Variants in CPED1 observed in about 807,000 individuals in gnomAD.
CPED1 encodes cadherin-like and PC-esterase domain-containing protein 1.
Under a neutral mutation model 128.2 loss-of-function variants are expected in CPED1, and 114 were observed. The observed-to-expected ratio is 0.89, with a 90% CI of 0.76 to 1.04. The LOEUF (loss-of-function observed/expected upper bound fraction) is 1.04. CPED1 is among the 50% of genes least tolerant of loss of function. The probability of loss-of-function intolerance (pLI) is 0.00; values close to 1 mark genes in which losing one functional copy is unlikely to be tolerated. For missense variants in CPED1, 1,211 were observed against 1,207.1 expected (o/e 1.00, Z -0.05); for synonymous variants, 462 against 426.7 (o/e 1.08, Z -1.02).
Position 121,148,661 on chromosome 7 carries a change from A to G in CPED1, c.2055+6520A>G, listed in dbSNP as rs558378667. Among the ~76,000 whole-genome samples, 3 of 152,246 alleles carry G rather than the reference A, an allele frequency of 2.0e-5. No individual in the cohort carries two copies. The East Asian group carries it at 5.8e-4, about 29-fold the overall frequency. ...GAACTTGTTGGGAATTGGGGAAGAG[A>G]GATGAGAAGAATTGATTGGGAGTTA... On this transcript the variant is annotated intron_variant, in intron 16 of 22. Coordinates refer to ENST00000310396, the MANE Select transcript of CPED1 (RefSeq NM_024913.5).
intron 16 of CPED1, among the ~76,000 whole-genome samples, chr7:121,181,692 C>A (rs1207951853): frequency 6.6e-6 from 1 of 151,978 alleles, no homozygotes; most frequent in Non-Finnish European, 1.5e-5. Flanking sequence ...TTTTAGTCAA[C>A]CTTTAGTAAA....
chr7:121,183,803 G>A (rs1247260814), intron 16 of CPED1, among the ~76,000 whole-genome samples: 6 of 152,128 alleles, frequency 3.9e-5, no homozygotes, highest in Admixed American at 3.9e-4. Context: ...AACTGGAAAA[G>A]TATTAGACTG....
At position 121,295,688 on chromosome 7, in the gene CPED1, CGA is replaced by C; in HGVS notation, c.*38_*39del. On this transcript the variant is annotated 3_prime_UTR_variant, in exon 23 of 23. Transcript: ENST00000310396. The stretch of plus-strand genomic sequence containing the variant: ...GGAGAGCTGAATCTGGAGCTGGAGA[CGA>C]GCTAGTCACCCGGACAATGGTCTAG... 6.3e-7 allele frequency: 1 copy of C among 1,576,992 alleles called. No homozygotes were observed. The highest frequency in any genetic ancestry group is 1.1e-5 in the South Asian group (1 of 89,742).
At chr7:121,250,740 C>G (rs1798652448) in intron 18 of CPED1, among the ~76,000 whole-genome samples, 1 of 152,030 alleles carries the variant, frequency 6.6e-6, no homozygotes, top group South Asian at 2.1e-4. Context: ...AATTCCTCAA[C>G]ACATACACCC....
intron 2 of CPED1, among the ~76,000 whole-genome samples, chr7:120,994,302 TCCTC>T (rs1206927401): frequency 6.6e-6 from 1 of 152,216 alleles, no homozygotes; most frequent in African/African-American, 2.4e-5. Context: ...GAACCTTGCT[TCCTC>T]TCTACCCTTT....
At chr7:121,287,337 A>T (rs1792604857) in intron 22 of CPED1, among the ~76,000 whole-genome samples, 2 of 151,758 alleles carry the variant, frequency 1.3e-5, no homozygotes, top group African/African-American at 4.9e-5. Flanking sequence ...CTTCCTGGAG[A>T]AGCAACATTT....
intron 18 of CPED1, among the ~76,000 whole-genome samples, chr7:121,246,169 C>T (rs1181495792): frequency 6.6e-6 from 1 of 152,162 alleles, no homozygotes; most frequent in Non-Finnish European, 1.5e-5. Flanking sequence ...CTGTCACAGT[C>T]TATTAACCTG....
At chr7:121,063,052 G>T (rs1793718907) in intron 4 of CPED1, among the ~76,000 whole-genome samples, 1 of 152,110 alleles carries the variant, frequency 6.6e-6, no homozygotes, top group African/African-American at 2.4e-5. Context: ...GTGTCCTTGT[G>T]GACTTTTACA....
intron 16 of CPED1, among the ~76,000 whole-genome samples, chr7:121,214,156 G>A (rs1245000875): frequency 6.6e-6 from 1 of 152,036 alleles, no homozygotes; most frequent in African/African-American, 2.4e-5. Context: ...TGCTACAGAA[G>A]TGATGTATTT....
chr7:121,166,450 C>T (rs987301137), intron 16 of CPED1, among the ~76,000 whole-genome samples: 4 of 152,134 alleles, frequency 2.6e-5, no homozygotes, highest in African/African-American at 7.2e-5. Flanking sequence ...ATTAGACATA[C>T]TGATACATTT....
At chr7:121,067,996 T>C (rs1477723810) in intron 5 of CPED1, among the ~76,000 whole-genome samples, 1 of 152,248 alleles carries the variant, frequency 6.6e-6, no homozygotes, top group Admixed American at 6.5e-5. Flanking sequence ...TTGAGTTCTT[T>C]GTAGATTCTG....
rs76390312 is a variant in CPED1, at chr7:121,079,749, C to T, written c.616+15436C>T. Reference sequence around the variant, plus strand: ...CTCTGCTCTTTGGTAGAGTAAATTTCGAAGACCCCAGTGTCAAACTGATTT... The same window carrying T: ...CTCTGCTCTTTGGTAGAGTAAATTTTGAAGACCCCAGTGTCAAACTGATTT... On this transcript the variant is annotated intron_variant, in intron 5 of 22. Transcript: ENST00000310396. 1.2e-4 allele frequency among the ~76,000 whole-genome samples: 18 copies of T among 152,310 alleles called. No individual in the cohort carries two copies. The East Asian group carries it at 3.1e-3, about 26-fold the overall frequency.
At chr7:121,020,797 A>C (rs1792420225) in intron 3 of CPED1, among the ~76,000 whole-genome samples, 2 of 151,986 alleles carry the variant, frequency 1.3e-5, no homozygotes, top group African/African-American at 4.8e-5. Flanking sequence ...AGAAGGAACC[A>C]TTATGATTCA....
chr7:121,082,950 A>T (rs754502806), intron 5 of CPED1, among the ~76,000 whole-genome samples: 14 of 152,184 alleles, frequency 9.2e-5, no homozygotes, highest in Non-Finnish European at 1.6e-4. Context: ...TCTTATTTAT[A>T]ATAATATTTA....
intron 5 of CPED1, among the ~76,000 whole-genome samples, chr7:121,085,331 C>T (rs995090899): frequency 1.3e-5 from 2 of 152,218 alleles, no homozygotes; most frequent in Admixed American, 6.5e-5. Flanking sequence ...TTGTCCTGCC[C>T]AGGGCCTGTC....
rs1179852069 is a variant in CPED1 at position 121,124,249 on chromosome 7, A to G, written c.919-82A>G. ...TGACAAGTAGAGATAACCTAGAACAATCCTTCAAATTGGTCACCTTGAAAA... is the reference window on the plus strand; with the variant it reads ...TGACAAGTAGAGATAACCTAGAACAGTCCTTCAAATTGGTCACCTTGAAAA... On this transcript the variant is annotated intron_variant, in intron 7 of 22. Coordinates refer to ENST00000310396, the MANE Select transcript of CPED1 (RefSeq NM_024913.5). 6.0e-6 allele frequency: 8 copies of G among 1,327,722 alleles called. No individual in the cohort carries two copies. The East Asian group carries it at 7.6e-5, about 13-fold the overall frequency. 82.2% of individuals were successfully genotyped at this position (1,327,722 alleles called of 1,614,324 possible).
chr7:121,000,227 T>C (rs1444065638), intron 2 of CPED1, among the ~76,000 whole-genome samples: 1 of 152,184 alleles, frequency 6.6e-6, no homozygotes, highest in Non-Finnish European at 1.5e-5. Flanking sequence ...GCTCATGTTC[T>C]AACATAGGAT....
chr7:121,087,084 ACACT>A (rs538373732), intron 5 of CPED1, among the ~76,000 whole-genome samples: 115 of 152,298 alleles, frequency 7.6e-4, no homozygotes, highest in African/African-American at 2.6e-3. Flanking sequence ...ACAAATTAAA[ACACT>A]CAATCCCCTC....
At chr7:121,081,886 T>C (rs1196405954) in intron 5 of CPED1, among the ~76,000 whole-genome samples, 1 of 152,218 alleles carries the variant, frequency 6.6e-6, no homozygotes, top group African/African-American at 2.4e-5. Flanking sequence ...TCAGGCACTT[T>C]ATACACTTCC....
Sources: allele counts gnomAD v4.1 joint callset (sites outside exome capture counted in the v4.1 genomes callset), GRCh38; gene constraint gnomAD v4.1.1; transcripts MANE v1.5; gene names NCBI Gene and HGNC (gene_info 2026-07-23, HGNC 2026-07-21).